Variants in ZDHHC2 observed in about 807,000 individuals in gnomAD.
ZDHHC2 encodes palmitoyltransferase ZDHHC2.
Under a neutral mutation model 55.6 loss-of-function variants are expected in ZDHHC2, and 51 were observed. The ratio of observed to expected loss-of-function variants is 0.92; its 90% CI spans 0.73 to 1.16. The LOEUF is 1.16. ZDHHC2 is among the 50% of genes most tolerant of loss of function. The pLI, the probability that ZDHHC2 is intolerant of heterozygous loss-of-function variation, is 0.00. For missense variants in ZDHHC2, 491 were observed against 442.4 expected (o/e 1.11, Z -0.99); for synonymous variants, 199 against 152.9 (o/e 1.30, Z -2.22).
chr8:17,166,272 A>G (rs1279963511), intron 1 of ZDHHC2, among the ~76,000 whole-genome samples: 1 of 152,188 alleles, frequency 6.6e-6, no homozygotes, highest in Non-Finnish European at 1.5e-5. Context: ...TTCTGGACGT[A>G]TTTTTACAGT....
chr8:17,201,155 C>T (rs1373520170), intron 6 of ZDHHC2, among the ~76,000 whole-genome samples: 1 of 152,140 alleles, frequency 6.6e-6, no homozygotes, highest in African/African-American at 2.4e-5. Context: ...ATGTTCTTCC[C>T]AGTCCCTCTC....
intron 1 of ZDHHC2, among the ~76,000 whole-genome samples, chr8:17,166,224 C>T (rs1334873117): frequency 2.0e-5 from 3 of 152,132 alleles, no homozygotes; most frequent in African/African-American, 4.8e-5. Context: ...TGTGTGAAAC[C>T]GTGGCGTGGG....
At chr8:17,183,645 A>G (rs1217343459) in intron 1 of ZDHHC2, among the ~76,000 whole-genome samples, 2 of 152,192 alleles carry the variant, frequency 1.3e-5, no homozygotes, top group African/African-American at 2.4e-5. Flanking sequence ...TTTAAGGGGG[A>G]CACTATAACA....
In ZDHHC2 at chr8:17,179,113, G is replaced by T. The variant is rs151314886; in HGVS notation, c.131-5676G>T. Among the ~76,000 whole-genome samples, 751 of 152,128 alleles carry T rather than the reference G, an allele frequency of 4.9e-3. 8 individuals are homozygous for T. The highest frequency in any genetic ancestry group is 0.017 in the African/African-American group (711 of 41,478). ...CCATGGGTGGGCACCACTATGCCTG[G>T]CTAATTTTTAAATTTTTTTGTAGAG... is the stretch of plus-strand genomic sequence containing the variant. On this transcript the variant is annotated intron_variant, in intron 1 of 12. Transcript: ENST00000262096.
rs201619946 is a variant in ZDHHC2 at position 17,218,178 on chromosome 8, A to T, written c.*34+932A>T. 1.8e-4 allele frequency among the ~76,000 whole-genome samples: 28 copies of T among 152,340 alleles called. 2 individuals carry two copies. The East Asian group carries it at 5.4e-3, about 29-fold the overall frequency. On this transcript the variant is annotated intron_variant, in intron 12 of 12. Transcript: ENST00000262096. ...GGATCAGCTCTGAATACCTGTTGCT[A>T]CAGTAGGTCAGACTGACTATAACTG...
At chr8:17,157,499 AAAG>A (rs988308574) in intron 1 of ZDHHC2, 4 of 152,242 alleles carry the variant, frequency 2.6e-5, no homozygotes, top group Admixed American at 6.5e-5. Flanking sequence ...GGAGAGAAAA[AAAG>A]AGGTGATCGT....
chr8:17,218,978 C>T (rs546038004), intron 12 of ZDHHC2, among the ~76,000 whole-genome samples: 6 of 151,906 alleles, frequency 3.9e-5, no homozygotes, highest in South Asian at 2.1e-4. Context: ...TGGCCGGGCG[C>T]GGTGGCTCAC....
intron 1 of ZDHHC2, among the ~76,000 whole-genome samples, chr8:17,179,505 C>T (rs777773096): frequency 4.6e-5 from 7 of 152,084 alleles, no homozygotes; most frequent in Non-Finnish European, 1.0e-4. Flanking sequence ...AACTACTGGG[C>T]TCAATCAGTT....
chr8:17,160,101 C>T (rs1256137887), intron 1 of ZDHHC2, among the ~76,000 whole-genome samples: 2 of 152,246 alleles, frequency 1.3e-5, no homozygotes, highest in Non-Finnish European at 2.9e-5. Flanking sequence ...TTATGTTTTA[C>T]AGATCCCTTA....
intron 1 of ZDHHC2, among the ~76,000 whole-genome samples, chr8:17,158,626 A>T (rs1804183072): frequency 6.6e-6 from 1 of 152,264 alleles, no homozygotes; most frequent in Non-Finnish European, 1.5e-5. Context: ...GTATGTTTAT[A>T]TGTACTTTCT....
intron 3 of ZDHHC2, among the ~76,000 whole-genome samples, chr8:17,193,092 G>A (rs906042873): frequency 6.6e-6 from 1 of 152,172 alleles, no homozygotes; most frequent in Non-Finnish European, 1.5e-5. Context: ...TTGAAGTCAG[G>A]TAATGTGAGT....
chr8:17,169,006 G>C (rs140864167), intron 1 of ZDHHC2, among the ~76,000 whole-genome samples: 274 of 152,268 alleles, frequency 1.8e-3, no homozygotes, highest in African/African-American at 6.1e-3. Context: ...AGAAATACCT[G>C]TTTGAGTCCC....
intron 10 of ZDHHC2, among the ~76,000 whole-genome samples, chr8:17,213,427 T>G (rs1807486130): frequency 6.6e-6 from 1 of 152,024 alleles, no homozygotes; most frequent in Non-Finnish European, 1.5e-5. Flanking sequence ...AATTTTTGTA[T>G]TTTTAGGAGA....
At chr8:17,197,556 G>T (rs757810970) in intron 4 of ZDHHC2, 26 bp from the exon 5 acceptor site, 1 of 1,605,370 alleles carries the variant, frequency 6.2e-7, no homozygotes, top group Non-Finnish European at 8.5e-7. Context: ...TTAACTCTAA[G>T]ACTAAGTGGA....
At chr8:17,200,900 A>G (rs1157037207) in intron 6 of ZDHHC2, among the ~76,000 whole-genome samples, 1 of 152,134 alleles carries the variant, frequency 6.6e-6, no homozygotes, top group East Asian at 1.9e-4. Context: ...TCACTTCCCC[A>G]TCACTTCCCT....
intron 6 of ZDHHC2, among the ~76,000 whole-genome samples, chr8:17,201,944 C>G (rs1806801971): frequency 6.6e-6 from 1 of 152,080 alleles, no homozygotes; most frequent in African/African-American, 2.4e-5. Context: ...GATTACCCAC[C>G]AGAATTCTGG....
chr8:17,195,584 A>G lies in ZDHHC2; in HGVS notation c.333A>G (p.Ala111=). The G allele has an allele frequency of 6.2e-7, 1 of 1,613,950 alleles. No homozygotes were observed. The change falls in exon 4 of 13, where the codon GCA becomes GCG. Residue 111 remains alanine, a synonymous_variant. Coordinates refer to ENST00000262096, the MANE Select transcript of ZDHHC2 (RefSeq NM_016353.5). The stretch of plus-strand genomic sequence containing the variant: ...CCCATCAGGAAGTTCTTAGGCGAGC[A>G]GCCAAGGATCTTCCCATCTATACCA... The part of the protein sequence containing the change: ...GEAHQEVLRR[A]AKDLPIYTRT...
chr8:17,165,808 A>G (rs1804571961), intron 1 of ZDHHC2, among the ~76,000 whole-genome samples: 1 of 152,220 alleles, frequency 6.6e-6, no homozygotes, highest in Non-Finnish European at 1.5e-5. Flanking sequence ...CCAGAGAAGG[A>G]GAAGAACTCA....
At chr8:17,166,692 G>A (rs1356423225) in intron 1 of ZDHHC2, among the ~76,000 whole-genome samples, 1 of 152,128 alleles carries the variant, frequency 6.6e-6, no homozygotes, top group Non-Finnish European at 1.5e-5. Context: ...GAGAAGGAGC[G>A]CCCAATGAAG....
Sources: gnomAD v4.1 joint callset for allele counts (sites outside exome capture counted in the v4.1 genomes callset) on GRCh38, gnomAD v4.1.1 for gene constraint, MANE v1.5 for transcripts, NCBI Gene and HGNC (gene_info 2026-07-23, HGNC 2026-07-21) for gene names.